SAP130: variants seen among roughly 807,000 people sequenced by gnomAD.
The protein encoded by SAP130 is histone deacetylase complex subunit SAP130.
A neutral mutation model predicts 103.2 loss-of-function variants in SAP130; 16 were observed. The observed-to-expected ratio is 0.16, with a 90% CI of 0.10 to 0.24. SAP130 has a LOEUF of 0.24. Ranked by LOEUF, SAP130 falls within the 10% of genes least tolerant of loss-of-function variation. The pLI, the probability that SAP130 is intolerant of heterozygous loss-of-function variation, is 1.00. For missense variants in SAP130, 990 were observed against 1,359.7 expected (o/e 0.73, Z 4.28); for synonymous variants, 477 against 497.0 (o/e 0.96, Z 0.53).
chr2:127,969,737 C>T (rs181543453), intron 15 of SAP130, among the ~76,000 whole-genome samples: 4 of 152,306 alleles, frequency 2.6e-5, no homozygotes, highest in East Asian at 1.9e-4. Flanking sequence ...GGCGCCTTCC[C>T]GATCTCTGCC....
At chr2:128,025,003 C>A (rs78220168) in intron 2 of SAP130, among the ~76,000 whole-genome samples, 675 of 99,908 alleles carry the variant, frequency 6.8e-3, no homozygotes, top group Non-Finnish European at 8.3e-3. Flanking sequence ...CCCTATTGCG[C>A]AAAAAAAAAA....
intron 12 of SAP130, among the ~76,000 whole-genome samples, chr2:127,990,158 T>C (rs1160498636): frequency 6.6e-6 from 1 of 151,820 alleles, no homozygotes; most frequent in African/African-American, 2.4e-5. Flanking sequence ...CAGGAAACCA[T>C]GCTAAATAAT....
intron 19 of SAP130, among the ~76,000 whole-genome samples, chr2:127,943,540 C>T (rs886966070): frequency 2.0e-5 from 3 of 152,210 alleles, no homozygotes; most frequent in African/African-American, 7.2e-5. Context: ...CCTACTGCTC[C>T]TAGGCTACAA....
chr2:127,962,238 G>A (rs950083778), intron 15 of SAP130, among the ~76,000 whole-genome samples: 1 of 152,116 alleles, frequency 6.6e-6, no homozygotes, highest in South Asian at 2.1e-4. Context: ...ATGTCTCAGT[G>A]TGCTCTCAGT....
At chr2:128,024,609 C>T (rs1685373912) in intron 2 of SAP130, among the ~76,000 whole-genome samples, 1 of 151,722 alleles carries the variant, frequency 6.6e-6, no homozygotes, top group African/African-American at 2.4e-5. Context: ...GCCTGTAATC[C>T]CAGCACTTTG....
intron 2 of SAP130, among the ~76,000 whole-genome samples, chr2:128,023,115 C>A (rs1685264894): frequency 6.6e-6 from 1 of 152,074 alleles, no homozygotes. Context: ...CTGCCTCAGC[C>A]TCCCGATTAG....
At chr2:128,016,227 A>G (rs2105204378) in intron 4 of SAP130, among the ~76,000 whole-genome samples, 162 bp downstream of exon 4, 1 of 152,236 alleles carries the variant, frequency 6.6e-6, no homozygotes. Flanking sequence ...CTCCCTTTAC[A>G]GTTATCCTTC....
intron 15 of SAP130, among the ~76,000 whole-genome samples, chr2:127,963,599 G>A (rs993967837): frequency 6.6e-6 from 1 of 152,084 alleles, no homozygotes; most frequent in Non-Finnish European, 1.5e-5. Context: ...GTTATGGTTT[G>A]GCTCTGTGTC....
At chr2:127,990,488 T>C (rs1285695889) in intron 12 of SAP130, among the ~76,000 whole-genome samples, 1 of 152,196 alleles carries the variant, frequency 6.6e-6, no homozygotes, top group Non-Finnish European at 1.5e-5. Context: ...CCAGAGATGT[T>C]GGAACTTGTT....
At chr2:127,971,190 C>G (rs557223459) in intron 15 of SAP130, among the ~76,000 whole-genome samples, 1 of 152,198 alleles carries the variant, frequency 6.6e-6, no homozygotes, top group South Asian at 2.1e-4. Flanking sequence ...CGGGCTCCCC[C>G]CATCTGTTGA....
rs1304370270 is a variant in SAP130, at chr2:127,962,282, T to C, written c.2064-6938A>G. Among the ~76,000 whole-genome samples the C allele has an allele frequency of 2.6e-5, 4 of 152,344 alleles. No individual in the cohort carries two copies. In the East Asian group the frequency reaches 7.7e-4, roughly 29 times the overall value. ...TCTTGATATAAAGCATCATTCCACA[T>C]GTTATGGACCACTGATACTTCTTGA... On this transcript the variant is annotated intron_variant, in intron 15 of 20. Coordinates refer to ENST00000643581, the MANE Select transcript of SAP130 (RefSeq NM_001330301.2).
chr2:127,969,170 G>T (rs1056412415), intron 15 of SAP130, among the ~76,000 whole-genome samples: 1 of 152,136 alleles, frequency 6.6e-6, no homozygotes, highest in Admixed American at 6.5e-5. Context: ...AGGTTGGCGG[G>T]GGGAGAGGGA....
chr2:128,019,349 G>A (rs1346046362), intron 2 of SAP130, among the ~76,000 whole-genome samples: 1 of 152,048 alleles, frequency 6.6e-6, no homozygotes, highest in African/African-American at 2.4e-5. Context: ...GCTCACTGCA[G>A]CTTCAAACTC....
intron 4 of SAP130, among the ~76,000 whole-genome samples, chr2:128,015,334 C>T (rs1406364205): frequency 6.6e-6 from 1 of 152,100 alleles, no homozygotes; most frequent in African/African-American, 2.4e-5. Context: ...CAGTTGGTAT[C>T]CAACAGGTGC....
At chr2:127,952,132 T>C (rs982112677) in intron 16 of SAP130, among the ~76,000 whole-genome samples, 3 of 152,160 alleles carry the variant, frequency 2.0e-5, no homozygotes, top group African/African-American at 7.2e-5. Context: ...CCTATTAACA[T>C]ACAAAACTCT....
chr2:128,020,765 G>A (rs1295599896), intron 2 of SAP130, among the ~76,000 whole-genome samples: 2 of 151,236 alleles, frequency 1.3e-5, no homozygotes, highest in African/African-American at 2.4e-5. Flanking sequence ...TTGGGAGGCT[G>A]AGGCAGGTGG....
intron 2 of SAP130, among the ~76,000 whole-genome samples, chr2:128,021,308 A>G (rs1003070554): frequency 7.9e-5 from 12 of 152,018 alleles, no homozygotes; most frequent in Non-Finnish European, 1.6e-4. Context: ...TTAGCTGGGC[A>G]TGGTGGCGGG....
chr2:127,987,486 C>T (rs1386142303), intron 13 of SAP130, among the ~76,000 whole-genome samples: 1 of 151,982 alleles, frequency 6.6e-6, no homozygotes, highest in Non-Finnish European at 1.5e-5. Context: ...ACACTTGGCC[C>T]ATACCATTAT....
chr2:128,023,134 A>G (rs1408338586), intron 2 of SAP130, among the ~76,000 whole-genome samples: 3 of 151,938 alleles, frequency 2.0e-5, no homozygotes, highest in Non-Finnish European at 4.4e-5. Flanking sequence ...AGCCGGGATT[A>G]CCGGCACCCA....
Sources: allele counts gnomAD v4.1 joint callset (sites outside exome capture counted in the v4.1 genomes callset), GRCh38; gene constraint gnomAD v4.1.1; transcripts MANE v1.5; gene names NCBI Gene and HGNC (gene_info 2026-07-23, HGNC 2026-07-21).